The following NAV2 variants were observed in gnomAD, a reference collection of about 807,000 sequenced individuals.
The protein encoded by NAV2 is helicase, APC down-regulated 1.
Under a neutral mutation model 223.2 loss-of-function variants are expected in NAV2, and 54 were observed. The observed-to-expected ratio is 0.24, with a 90% CI of 0.19 to 0.30. The LOEUF (loss-of-function observed/expected upper bound fraction) is 0.30. NAV2 is among the 10% of genes least tolerant of loss of function. NAV2 has a pLI of 1.00. For missense variants in NAV2, 2,806 were observed against 3,147.5 expected (o/e 0.89, Z 2.60); for synonymous variants, 1,279 against 1,239.3 (o/e 1.03, Z -0.67).
chr11:19,657,571 G>C (rs1483222701), intron 1 of NAV2, among the ~76,000 whole-genome samples: 2 of 152,134 alleles, frequency 1.3e-5, no homozygotes, highest in South Asian at 4.1e-4. Flanking sequence ...ACTTCCTTCA[G>C]CTTTCTGAAG....
intron 1 of NAV2, among the ~76,000 whole-genome samples, chr11:19,452,207 C>A (rs772062493): frequency 1.5e-4 from 23 of 151,882 alleles, no homozygotes; most frequent in East Asian, 5.8e-4. Context: ...AAGTGGATAA[C>A]CCTCCAGAGA....
chr11:19,436,221 G>A (rs1851210824), intron 1 of NAV2, among the ~76,000 whole-genome samples: 1 of 152,102 alleles, frequency 6.6e-6, no homozygotes, highest in African/African-American at 2.4e-5. Context: ...AAGTGTTTAA[G>A]TCTTTAATCC....
At chr11:20,007,241 G>C (rs1490639507) in intron 11 of NAV2, among the ~76,000 whole-genome samples, 1 of 152,206 alleles carries the variant, frequency 6.6e-6, no homozygotes, top group Non-Finnish European at 1.5e-5. Flanking sequence ...GAGCCACTGT[G>C]CCCAGCCCAT....
intron 11 of NAV2, among the ~76,000 whole-genome samples, chr11:19,986,528 G>A (rs1030800718): frequency 4.5e-4 from 69 of 151,960 alleles, no homozygotes; most frequent in Non-Finnish European, 1.6e-4. Context: ...AGGGAGGCAT[G>A]AGAATTGCTT....
intron 1 of NAV2, among the ~76,000 whole-genome samples, chr11:19,715,236 G>A (rs971265934): frequency 3.9e-5 from 6 of 152,170 alleles, no homozygotes; most frequent in African/African-American, 1.4e-4. Flanking sequence ...CCTTGCTGCT[G>A]CACTTGCTAA....
intron 10 of NAV2, among the ~76,000 whole-genome samples, chr11:19,983,104 C>T (rs552845564): frequency 2.6e-4 from 40 of 152,258 alleles, no homozygotes; most frequent in African/African-American, 9.4e-4. Context: ...TGGTTTCTGG[C>T]TCTGCCCAAG....
At chr11:19,639,881 G>T (rs2047613560) in intron 1 of NAV2, among the ~76,000 whole-genome samples, 1 of 152,180 alleles carries the variant, frequency 6.6e-6, no homozygotes, top group Admixed American at 6.5e-5. Context: ...CTGGTAGCAG[G>T]GTGTAAACAT....
At chr11:19,871,378 G>A (rs1236172412) in intron 4 of NAV2, among the ~76,000 whole-genome samples, 1 of 152,118 alleles carries the variant, frequency 6.6e-6, no homozygotes, top group Non-Finnish European at 1.5e-5. Flanking sequence ...GGGGCATGCC[G>A]GCGTGACTTT....
At chr11:19,669,645 C>T (rs1410643472) in intron 1 of NAV2, among the ~76,000 whole-genome samples, 1 of 152,248 alleles carries the variant, frequency 6.6e-6, no homozygotes, top group African/African-American at 2.4e-5. Flanking sequence ...ATCCTGCTTG[C>T]AATGAAGCTC....
intron 1 of NAV2, among the ~76,000 whole-genome samples, chr11:19,716,050 C>T (rs1488830081): frequency 6.9e-6 from 1 of 144,504 alleles, no homozygotes; most frequent in Non-Finnish European, 1.5e-5. Context: ...TGATAGGGTA[C>T]CCATTCCCCC....
At chr11:19,386,067 T>A (rs1849032763) in intron 1 of NAV2, among the ~76,000 whole-genome samples, 1 of 152,190 alleles carries the variant, frequency 6.6e-6, no homozygotes, top group African/African-American at 2.4e-5. Flanking sequence ...CCCAGCCCAA[T>A]ATAGCTCCAT....
intron 1 of NAV2, among the ~76,000 whole-genome samples, chr11:19,352,623 C>T (rs538382184): frequency 2.0e-5 from 3 of 152,272 alleles, no homozygotes; most frequent in East Asian, 1.9e-4. Context: ...GCCGTCATGG[C>T]GATTATTAAA....
chr11:19,531,331 T>G (rs2044023052), intron 1 of NAV2, among the ~76,000 whole-genome samples: 1 of 152,196 alleles, frequency 6.6e-6, no homozygotes, highest in African/African-American at 2.4e-5. Context: ...GAGCTAAGGC[T>G]GTTTTAATCA....
intron 1 of NAV2, among the ~76,000 whole-genome samples, chr11:19,502,058 A>T (rs2042980237): frequency 6.6e-6 from 1 of 152,222 alleles, no homozygotes; most frequent in Non-Finnish European, 1.5e-5. Context: ...CATACGAGGC[A>T]CTGAGCCACA....
intron 1 of NAV2, among the ~76,000 whole-genome samples, chr11:19,684,481 C>A (rs1306486857): frequency 1.3e-5 from 2 of 152,168 alleles, no homozygotes; most frequent in Non-Finnish European, 1.5e-5. Context: ...AGAAGAGGGG[C>A]AGCTGCTCAG....
chr11:19,618,137 T>G (rs2046854212), intron 1 of NAV2, among the ~76,000 whole-genome samples: 1 of 152,260 alleles, frequency 6.6e-6, no homozygotes, highest in African/African-American at 2.4e-5. Context: ...TTGTCTGATT[T>G]TATTCTTTGA....
At chr11:19,961,059 A>G (rs114659806) in intron 10 of NAV2, among the ~76,000 whole-genome samples, 4,925 of 152,150 alleles carry the variant, frequency 0.032, 246 homozygotes, top group African/African-American at 0.11. Flanking sequence ...AAGCCTTTGC[A>G]TAGTTCTCAT....
At chr11:19,872,007 TA>T (rs1393657676) in intron 4 of NAV2, among the ~76,000 whole-genome samples, 1 of 152,160 alleles carries the variant, frequency 6.6e-6, no homozygotes, top group Non-Finnish European at 1.5e-5. Context: ...GATCTTCTTA[TA>T]TTTTTTGGAG....
chr11:19,960,122 G>A (rs1030484771), intron 10 of NAV2, among the ~76,000 whole-genome samples: 5 of 152,212 alleles, frequency 3.3e-5, no homozygotes, highest in African/African-American at 1.2e-4. Context: ...GTGCCCTGGG[G>A]CTTGATGGAC....
Sources: gnomAD v4.1 joint callset for allele counts (sites outside exome capture counted in the v4.1 genomes callset) on GRCh38, gnomAD v4.1.1 for gene constraint, MANE v1.5 for transcripts, NCBI Gene and HGNC (gene_info 2026-07-23, HGNC 2026-07-21) for gene names.